The following RASAL2 variants were observed in gnomAD, a reference collection of about 807,000 sequenced individuals.
RASAL2 encodes ras GTPase-activating protein nGAP.
In RASAL2, 58 loss-of-function variants were observed where a neutral mutation model predicts 128.9. The ratio of observed to expected loss-of-function variants is 0.45; its 90% CI spans 0.36 to 0.56. RASAL2 has a LOEUF of 0.56. Ranked by LOEUF, RASAL2 falls within the 20% of genes least tolerant of loss-of-function variation. The pLI is 0.00. For synonymous variants in RASAL2, 561 were observed against 580.8 expected (o/e 0.97, Z 0.49); for missense variants, 1,360 against 1,601.6 (o/e 0.85, Z 2.57).
At chr1:178,112,943 G>T in intron 1 of RASAL2, among the ~76,000 whole-genome samples, 1 of 151,804 alleles carries the variant, frequency 6.6e-6, no homozygotes, top group Non-Finnish European at 1.5e-5. Context: ...AAGAAATCAT[G>T]GTCTAGCCCA....
intron 2 of RASAL2, among the ~76,000 whole-genome samples, chr1:178,285,275 C>T (rs1252347207): frequency 6.6e-6 from 1 of 151,218 alleles, no homozygotes; most frequent in Admixed American, 6.6e-5. Context: ...CGCCCGCCAC[C>T]GCGCCCGGCT....
chr1:178,257,376 G>C (rs1665411385), intron 1 of RASAL2, among the ~76,000 whole-genome samples: 1 of 151,548 alleles, frequency 6.6e-6, no homozygotes, highest in African/African-American at 2.4e-5. Flanking sequence ...ATACAAAGTA[G>C]TAGTAACCAA....
intron 4 of RASAL2, among the ~76,000 whole-genome samples, chr1:178,405,889 T>C (rs963780167): frequency 6.6e-6 from 1 of 152,200 alleles, no homozygotes; most frequent in Non-Finnish European, 1.5e-5. Context: ...ATACTATGGT[T>C]ATATAAGATA....
At chr1:178,466,254 G>A in intron 16 of RASAL2, 132 bp downstream of exon 16, 1 of 779,662 alleles carries the variant, frequency 1.3e-6, no homozygotes, top group Non-Finnish European at 1.9e-6. Context: ...TGTGATAATT[G>A]ACTGTATCTC....
intron 4 of RASAL2, among the ~76,000 whole-genome samples, chr1:178,403,186 T>G (rs1347469991): frequency 6.6e-6 from 1 of 152,146 alleles, no homozygotes; most frequent in African/African-American, 2.4e-5. Context: ...TCTACAGAAG[T>G]GAATTTTCCA....
intron 1 of RASAL2, among the ~76,000 whole-genome samples, chr1:178,105,966 G>A (rs1659073608): frequency 6.6e-6 from 1 of 152,082 alleles, no homozygotes; most frequent in Non-Finnish European, 1.5e-5. Flanking sequence ...ATGAGCTGCT[G>A]TACCCAGCCA....
intron 1 of RASAL2, among the ~76,000 whole-genome samples, chr1:178,173,901 CTT>C (rs201900537): frequency 0.093 from 3,150 of 34,050 alleles, 51 homozygotes; most frequent in Non-Finnish European, 0.2. Context: ...GAAAAACAAG[CTT>C]TTTTTTTTTT....
Position 178,458,249 on chromosome 1 carries a change from C to A in RASAL2, c.2957C>A (p.Ser986Tyr). ...CGTAGCACTCAGAGTGAGGACTTCT[C>A]CAGGCGGCACACGGTGCCAGATAGA... ...TKRSTQSEDF[S>Y]RRHTVPDRHI... Residue 986 changes from serine to tyrosine, a missense_variant, in exon 14 of 18, where the codon TCC (serine) becomes TAC (tyrosine). Physicochemically the swap from Ser to Tyr is moderately radical, Grantham distance 144 (BLOSUM62 -2). This residue lies in a region of RASAL2 where 741 missense variants were observed against 868.6 expected (regional missense o/e 0.85). Transcript: ENST00000367649. 1 of 1,614,256 alleles carries A rather than the reference C, an allele frequency of 6.2e-7. No homozygotes were observed. Among genetic ancestry groups the A allele is most frequent in the South Asian group, 1.1e-5 (1 of 91,082 alleles).
chr1:178,441,741 T>C (rs1187033560), intron 7 of RASAL2, 94 bp downstream of exon 7: 3 of 925,046 alleles, frequency 3.2e-6, no homozygotes, highest in Non-Finnish European at 5.1e-6. Context: ...AATTTGTCTA[T>C]AGCTTGAGAG....
chr1:178,114,607 C>T (rs1404385277), intron 1 of RASAL2, among the ~76,000 whole-genome samples: 3 of 151,756 alleles, frequency 2.0e-5, no homozygotes, highest in Non-Finnish European at 2.9e-5. Flanking sequence ...CTGCAAGCTC[C>T]GCCTCCTGGG....
chr1:178,298,473 C>T (rs1277192829), intron 2 of RASAL2, among the ~76,000 whole-genome samples: 5 of 152,148 alleles, frequency 3.3e-5, no homozygotes, highest in Admixed American at 6.5e-5. Flanking sequence ...GGAATTTGCT[C>T]CTCGGATTCT....
At chr1:178,415,192 T>C (rs7411925) in intron 4 of RASAL2, among the ~76,000 whole-genome samples, 1 of 152,148 alleles carries the variant, frequency 6.6e-6, no homozygotes, top group African/African-American at 2.4e-5. Flanking sequence ...TTCTAGTATA[T>C]GCATTCAATG....
intron 14 of RASAL2, among the ~76,000 whole-genome samples, chr1:178,463,607 A>C (rs905587849): frequency 6.6e-6 from 1 of 152,136 alleles, no homozygotes; most frequent in Non-Finnish European, 1.5e-5. Flanking sequence ...CCCTTGAGTG[A>C]TCTTAATCCA....
rs58641965 is a variant in RASAL2, at chr1:178,438,102, T to TTGTGTGTG, written c.675-1285_675-1278dup. ...TGCAGCCTAAACTTTAAATGGTGGC[T>TTGTGTGTG]TGTGTGTGTGTGTGTGTGTGTGTGT... On this transcript the variant is annotated intron_variant, in intron 5 of 17. Transcript: ENST00000367649. Among the ~76,000 whole-genome samples, 991 of 142,136 alleles carry TTGTGTGTG rather than the reference T, an allele frequency of 7.0e-3. 6 individuals are homozygous for TTGTGTGTG. The highest frequency in any genetic ancestry group is 0.014 in the Middle Eastern group (4 of 284). The allele number at this position is 142,136 out of a possible 152,430, so 93.2% of individuals were successfully genotyped here.
In RASAL2 at chr1:178,478,070, T is replaced by G. The variant is rs1648799336; in HGVS notation, c.*4831T>G. 6.6e-6 allele frequency: 1 copy of G among 152,176 alleles called. No individual in the cohort carries two copies. Among genetic ancestry groups the G allele is most frequent in the South Asian group, 2.1e-4 (1 of 4,824 alleles). The allele number at this position is 152,176 out of a possible 1,614,324, so 9.4% of individuals were successfully genotyped here. On this transcript the variant is annotated 3_prime_UTR_variant, in exon 18 of 18. Coordinates refer to ENST00000367649, the MANE Select transcript of RASAL2 (RefSeq NM_170692.4). Reference sequence around the variant, plus strand: ...GGAAAGGAAAGTGGTAGTCTTTGCCTGCATTTCAGCATGCATTTTCCTTTC... The same window carrying G: ...GGAAAGGAAAGTGGTAGTCTTTGCCGGCATTTCAGCATGCATTTTCCTTTC...
intron 1 of RASAL2, among the ~76,000 whole-genome samples, chr1:178,169,874 G>GAA: frequency 6.6e-6 from 1 of 152,076 alleles, no homozygotes; most frequent in East Asian, 1.9e-4. Context: ...ACTTGCCAGA[G>GAA]AGCTGCCTTC....
intron 9 of RASAL2, among the ~76,000 whole-genome samples, chr1:178,448,588 G>C (rs1335345080): frequency 6.6e-6 from 1 of 151,792 alleles, no homozygotes; most frequent in African/African-American, 2.4e-5. Flanking sequence ...TTTACATAAA[G>C]AGCTTATTAC....
chr1:178,445,733 C>T (rs1316712275), intron 9 of RASAL2, 71 bp downstream of exon 9: 29 of 1,438,976 alleles, frequency 2.0e-5, no homozygotes, highest in Admixed American at 6.9e-5. Flanking sequence ...CCCCATGAGA[C>T]GAATTGAGCT....
chr1:178,202,389 T>A (rs1407193170), intron 1 of RASAL2, among the ~76,000 whole-genome samples: 1 of 152,168 alleles, frequency 6.6e-6, no homozygotes, highest in Non-Finnish European at 1.5e-5. Context: ...GACTAAGGCC[T>A]GGTTCACAGA....
Sources: gnomAD v4.1 joint callset for allele counts (sites outside exome capture counted in the v4.1 genomes callset) on GRCh38, gnomAD v4.1.1 for gene constraint, gnomAD v4.1.1 regional missense constraint, MANE v1.5 for transcripts, NCBI Gene and HGNC (gene_info 2026-07-23, HGNC 2026-07-21) for gene names.